PTPRD: variants seen among roughly 807,000 people sequenced by gnomAD.
PTPRD encodes the protein receptor-type tyrosine-protein phosphatase delta.
Under a neutral mutation model 214.5 loss-of-function variants are expected in PTPRD, and 34 were observed. The observed-to-expected ratio is 0.16, with a 90% CI of 0.12 to 0.21. The LOEUF (loss-of-function observed/expected upper bound fraction) is 0.21. PTPRD is among the 10% of genes least tolerant of loss of function. The pLI is 1.00. For synonymous variants in PTPRD, 1,128 were observed against 845.7 expected (o/e 1.33, Z -5.79); for missense variants, 2,545 against 2,398.7 (o/e 1.06, Z -1.27).
intron 9 of PTPRD, among the ~76,000 whole-genome samples, chr9:9,367,855 T>C (rs967899597): frequency 4.6e-5 from 7 of 151,718 alleles, no homozygotes; most frequent in African/African-American, 1.7e-4. Context: ...TTATGTATTC[T>C]GTTCCTAGAA....
chr9:9,834,114 A>G (rs2055962377), intron 5 of PTPRD, among the ~76,000 whole-genome samples: 1 of 152,086 alleles, frequency 6.6e-6, no homozygotes, highest in Admixed American at 6.6e-5. Context: ...AAAGACAGGC[A>G]TAAGAAATTA....
At chr9:10,444,030 A>C (rs2098780821) in intron 2 of PTPRD, among the ~76,000 whole-genome samples, 1 of 151,706 alleles carries the variant, frequency 6.6e-6, no homozygotes, top group African/African-American at 2.4e-5. Context: ...TATTCCTGCC[A>C]AGTTAGACTG....
At chr9:8,528,275 A>G (rs866576884) in intron 15 of PTPRD, 2 of 428,410 alleles carry the variant, frequency 4.7e-6, no homozygotes, top group Middle Eastern at 3.1e-4. Flanking sequence ...GAAAGAAGAA[A>G]GAAAGAGGAG....
intron 11 of PTPRD, among the ~76,000 whole-genome samples, chr9:8,737,654 C>T (rs1386597829): frequency 6.6e-6 from 1 of 152,090 alleles, no homozygotes; most frequent in Non-Finnish European, 1.5e-5. Flanking sequence ...ATATGTTCTG[C>T]TCCTTCTTTC....
intron 7 of PTPRD, among the ~76,000 whole-genome samples, chr9:9,634,709 A>T (rs1181328468): frequency 2.0e-5 from 3 of 152,160 alleles, no homozygotes; most frequent in Non-Finnish European, 2.9e-5. Flanking sequence ...CTCAAAAATC[A>T]TGATATCTTA....
intron 12 of PTPRD, among the ~76,000 whole-genome samples, chr9:8,676,661 C>T (rs1439352949): frequency 6.6e-6 from 1 of 152,172 alleles, no homozygotes. Context: ...GCCACCACTG[C>T]CTCCTGGGTT....
intron 8 of PTPRD, among the ~76,000 whole-genome samples, chr9:9,410,396 T>C (rs1026277564): frequency 3.3e-5 from 5 of 152,330 alleles, no homozygotes; most frequent in South Asian, 2.1e-4. Flanking sequence ...ATTTGTGTCA[T>C]TGCCATTCAT....
intron 7 of PTPRD, among the ~76,000 whole-genome samples, chr9:9,636,604 G>C (rs976405941): frequency 6.6e-6 from 1 of 152,142 alleles, no homozygotes; most frequent in African/African-American, 2.4e-5. Flanking sequence ...AGGAGAAACA[G>C]TCTTCTTTTT....
intron 9 of PTPRD, among the ~76,000 whole-genome samples, chr9:9,312,515 C>T (rs1039014456): frequency 6.6e-6 from 1 of 152,116 alleles, no homozygotes; most frequent in Admixed American, 6.6e-5. Context: ...TTCCCCATGT[C>T]TGCGTGGGTT....
Position 9,784,743 on chromosome 9 carries a change from T to C in PTPRD, c.-367-17892A>G, listed in dbSNP as rs576375298. ...TGTCAAAATATATTGTCCATGTTTA[T>C]TACCAGCATTTAAAATTTTATGTGT... On this transcript the variant is annotated intron_variant, in intron 5 of 45. Coordinates refer to ENST00000381196, the MANE Select transcript of PTPRD (RefSeq NM_002839.4). Among the ~76,000 whole-genome samples, 4 of 151,818 alleles carry C rather than the reference T, an allele frequency of 2.6e-5. No individual in the cohort carries two copies. The South Asian group carries it at 8.3e-4, about 31-fold the overall frequency.
In PTPRD at chr9:9,384,343, C is replaced by CTTTTTTTTTTTTTTTTTTTTTTTT. The variant is rs869246078; in HGVS notation, c.-203+13082_-203+13105dup. 6.0e-5 allele frequency among the ~76,000 whole-genome samples: 2 copies of CTTTTTTTTTTTTTTTTTTTTTTTT among 33,318 alleles called. 1 individual carries two copies. The highest frequency in any genetic ancestry group is 1.4e-4 in the Non-Finnish European group (2 of 14,296). The allele number at this position is 33,318 out of a possible 152,430, so 21.9% of individuals were successfully genotyped here. On this transcript the variant is annotated intron_variant, in intron 9 of 45. Coordinates refer to ENST00000381196, the MANE Select transcript of PTPRD (RefSeq NM_002839.4). ...GATGATATTTGAGCAGAAGACTAGG[C>CTTTTTTTTTTTTTTTTTTTTTTTT]TTTTTTTTTTTTTTTTTTTTTTTTT...
chr9:9,165,506 T>C (rs778701168), intron 10 of PTPRD, among the ~76,000 whole-genome samples: 1 of 152,234 alleles, frequency 6.6e-6, no homozygotes, highest in Non-Finnish European at 1.5e-5. Context: ...AAATGGCTGC[T>C]GTTTGGGATA....
chr9:8,895,549 T>C (rs567370069), intron 11 of PTPRD, among the ~76,000 whole-genome samples: 17 of 152,302 alleles, frequency 1.1e-4, no homozygotes, highest in Admixed American at 4.6e-4. Flanking sequence ...CAACTCACTA[T>C]GAATAAATAA....
At chr9:8,882,243 G>C (rs986151057) in intron 11 of PTPRD, among the ~76,000 whole-genome samples, 8 of 152,270 alleles carry the variant, frequency 5.3e-5, no homozygotes, top group Non-Finnish European at 8.8e-5. Flanking sequence ...TCCTGGATTA[G>C]ATTTATTTTT....
chr9:8,365,386 G>T (rs1014132700), intron 39 of PTPRD, among the ~76,000 whole-genome samples: 1 of 152,170 alleles, frequency 6.6e-6, no homozygotes, highest in African/African-American at 2.4e-5. Context: ...TTTACCAGAA[G>T]TAATCAGGTA....
At chr9:10,049,747 T>C (rs114615725) in intron 3 of PTPRD, among the ~76,000 whole-genome samples, 2,011 of 152,284 alleles carry the variant, frequency 0.013, 49 homozygotes, top group African/African-American at 0.045. Context: ...AAAACCTTTA[T>C]AGCAGTGCTA....
chr9:10,415,403 T>C (rs2098477947), intron 2 of PTPRD, among the ~76,000 whole-genome samples: 1 of 151,918 alleles, frequency 6.6e-6, no homozygotes. Context: ...GGTTGTTTTA[T>C]TATTCAACAA....
At chr9:8,577,478 C>G (rs956807663) in intron 14 of PTPRD, among the ~76,000 whole-genome samples, 1 of 152,100 alleles carries the variant, frequency 6.6e-6, no homozygotes, top group East Asian at 1.9e-4. Flanking sequence ...TGGTCTGGAA[C>G]TCCCGACCTC....
intron 4 of PTPRD, among the ~76,000 whole-genome samples, chr9:9,980,584 G>C (rs1728141906): frequency 1.7e-5 from 2 of 117,740 alleles, no homozygotes. Context: ...ACTCCAGCTT[G>C]GGTAACAGAG....
Sources: gnomAD v4.1 joint callset for allele counts (sites outside exome capture counted in the v4.1 genomes callset) on GRCh38, gnomAD v4.1.1 for gene constraint, MANE v1.5 for transcripts, NCBI Gene and HGNC (gene_info 2026-07-23, HGNC 2026-07-21) for gene names.